Variants in ORC5 observed in about 807,000 individuals in gnomAD.
The protein encoded by ORC5 is origin recognition complex subunit 5.
A neutral mutation model predicts 58.8 loss-of-function variants in ORC5; 39 were observed. The ratio of observed to expected loss-of-function variants is 0.66; its 90% CI spans 0.51 to 0.87. ORC5 has a LOEUF of 0.87. Ranked by LOEUF, ORC5 falls within the 40% of genes least tolerant of loss-of-function variation. The pLI, the probability that ORC5 is intolerant of heterozygous loss-of-function variation, is 0.00. For missense variants in ORC5, 493 were observed against 506.3 expected (o/e 0.97, Z 0.25); for synonymous variants, 218 against 177.6 (o/e 1.23, Z -1.81).
rs775598351 is a variant in ORC5 at position 104,168,414 on chromosome 7, A to G, written c.877+59T>C. On this transcript the variant is annotated intron_variant, in intron 9 of 13. Transcript: ENST00000297431. ...AATGCTCTTTAGTATTAACTTTAGT[A>G]TCTTGATAATTAGCTGAAGAAGTAT... is the stretch of plus-strand genomic sequence containing the variant. 9 of 1,585,466 alleles carry G rather than the reference A, an allele frequency of 5.7e-6. No individual in the cohort carries two copies. The South Asian group carries it at 1.0e-4, about 18-fold the overall frequency.
At chr7:104,128,260 G>GTACAGGCA (rs1798459759) in intron 13 of ORC5, among the ~76,000 whole-genome samples, 1 of 152,058 alleles carries the variant, frequency 6.6e-6, no homozygotes, top group African/African-American at 2.4e-5. Flanking sequence ...GTAGCTGAAG[G>GTACAGGCA]TACAGGCATG....
chr7:104,188,421 A>G, intron 5 of ORC5, 40 bp from the exon 6 acceptor site: 1 of 1,528,862 alleles, frequency 6.5e-7, no homozygotes, highest in Non-Finnish European at 8.9e-7. Flanking sequence ...TGATTAACAT[A>G]GTACACTAAT....
At chr7:104,165,479 A>G (rs1303975664) in intron 10 of ORC5, 197 bp from the exon 11 acceptor site, 1 of 401,236 alleles carries the variant, frequency 2.5e-6, no homozygotes, top group African/African-American at 2.1e-5. Context: ...CTTGGATTGG[A>G]TATAAAATTA....
At position 104,183,789 on chromosome 7, in the gene ORC5, G is replaced by C. The variant is rs1220013284; in HGVS notation, c.824+154C>G. ...CTTCCTTTACCTCCCTGAAGATGCA[G>C]AGTTTACTACAGCATGTGCTTTCCC... On this transcript the variant is annotated intron_variant, in intron 8 of 13. Coordinates refer to ENST00000297431, the MANE Select transcript of ORC5 (RefSeq NM_002553.4). Among the ~76,000 whole-genome samples the C allele has an allele frequency of 2.0e-5, 3 of 152,174 alleles. No homozygotes were observed. The East Asian group carries it at 5.8e-4, about 29-fold the overall frequency.
intron 12 of ORC5, among the ~76,000 whole-genome samples, chr7:104,143,321 T>A (rs1798705013): frequency 6.6e-6 from 1 of 152,200 alleles, no homozygotes; most frequent in African/African-American, 2.4e-5. Flanking sequence ...AATTTTTTCA[T>A]AGAAAAACAC....
intron 8 of ORC5, among the ~76,000 whole-genome samples, chr7:104,180,737 T>C (rs2115955275): frequency 6.6e-6 from 1 of 152,316 alleles, no homozygotes; most frequent in African/African-American, 2.4e-5. Flanking sequence ...GGATCTTCTT[T>C]CAGTTATATT....
Position 104,148,579 on chromosome 7 carries a change from A to G in ORC5, c.1150-11686T>C, listed in dbSNP as rs184039045. On this transcript the variant is annotated intron_variant, in intron 12 of 13. Transcript: ENST00000297431. ...TATAGAATAACCTTGAGAAGTAACAATTAACAATACTGTGAACAGAATTGT... is the reference window on the plus strand; with the variant it reads ...TATAGAATAACCTTGAGAAGTAACAGTTAACAATACTGTGAACAGAATTGT... 1.4e-3 allele frequency among the ~76,000 whole-genome samples: 211 copies of G among 152,348 alleles called. 1 individual carries two copies. The highest frequency in any genetic ancestry group is 5.0e-3 in the African/African-American group (206 of 41,586).
At chr7:104,183,865 C>G (rs535681360) in intron 8 of ORC5, 78 bp downstream of exon 8, 1 of 958,036 alleles carries the variant, frequency 1.0e-6, no homozygotes, top group African/African-American at 1.7e-5. Flanking sequence ...GAGTCCCTCT[C>G]TCTGTTATTT....
chr7:104,147,402 T>C (rs1798774170), intron 12 of ORC5, among the ~76,000 whole-genome samples: 1 of 152,190 alleles, frequency 6.6e-6, no homozygotes, highest in Non-Finnish European at 1.5e-5. Context: ...CTTTATATAT[T>C]TTTGAATGAT....
At chr7:104,173,628 A>C (rs895302973) in intron 8 of ORC5, among the ~76,000 whole-genome samples, 12 of 152,174 alleles carry the variant, frequency 7.9e-5, no homozygotes, top group Non-Finnish European at 1.8e-4. Flanking sequence ...AGGGCACCTT[A>C]ATAAAGGGCC....
intron 9 of ORC5, chr7:104,167,932 C>T (rs1799134989): frequency 1.3e-5 from 2 of 152,128 alleles, no homozygotes; most frequent in Non-Finnish European, 2.9e-5. Flanking sequence ...CTATTTCATA[C>T]CATTTTCTTT....
intron 13 of ORC5, among the ~76,000 whole-genome samples, chr7:104,127,686 C>T (rs1259564522): frequency 6.6e-6 from 1 of 152,206 alleles, no homozygotes; most frequent in Non-Finnish European, 1.5e-5. Context: ...TCACTAATTG[C>T]ATGCTCTTAT....
At chr7:104,131,344 C>T (rs971603055) in intron 13 of ORC5, among the ~76,000 whole-genome samples, 4 of 152,108 alleles carry the variant, frequency 2.6e-5, no homozygotes, top group African/African-American at 4.8e-5. Context: ...AAGAAGATTC[C>T]GCTCTCTCAT....
At chr7:104,158,757 G>A (rs1407670416) in intron 12 of ORC5, among the ~76,000 whole-genome samples, 2 of 151,662 alleles carry the variant, frequency 1.3e-5, no homozygotes, top group Non-Finnish European at 2.9e-5. Flanking sequence ...TCAGAGAAAT[G>A]CAAATCAAAA....
chr7:104,159,611 A>C (rs1213581229), intron 12 of ORC5, among the ~76,000 whole-genome samples: 1 of 150,620 alleles, frequency 6.6e-6, no homozygotes, highest in African/African-American at 2.4e-5. Context: ...ACTATCCTTC[A>C]CTGTGCCCCT....
intron 9 of ORC5, chr7:104,168,152 T>C: frequency 2.0e-6 from 1 of 507,782 alleles, no homozygotes; most frequent in African/African-American, 2.0e-5. Flanking sequence ...ACTCATGAAA[T>C]ATAAACATAA....
chr7:104,137,269 C>A (rs1157515174), intron 12 of ORC5, among the ~76,000 whole-genome samples: 63 of 132,524 alleles, frequency 4.8e-4, no homozygotes, highest in African/African-American at 3.9e-4. Context: ...AATGTGCCTA[C>A]AAAAAAAAAA....
At chr7:104,153,714 G>A (rs79189896) in intron 12 of ORC5, among the ~76,000 whole-genome samples, 2,137 of 152,126 alleles carry the variant, frequency 0.014, 56 homozygotes, top group South Asian at 0.12. Flanking sequence ...AAGGAAAACT[G>A]TCCCTTTTAG....
At chr7:104,162,322 A>G (rs1387045419) in intron 11 of ORC5, among the ~76,000 whole-genome samples, 2 of 152,160 alleles carry the variant, frequency 1.3e-5, no homozygotes, top group Non-Finnish European at 2.9e-5. Context: ...ACAGGCATGC[A>G]CTGCCACACA....
Sources: allele counts gnomAD v4.1 joint callset (sites outside exome capture counted in the v4.1 genomes callset), GRCh38; gene constraint gnomAD v4.1.1; transcripts MANE v1.5; gene names NCBI Gene and HGNC (gene_info 2026-07-23, HGNC 2026-07-21).